GRB14: variants seen among roughly 807,000 people sequenced by gnomAD.
GRB14 encodes the protein growth factor receptor bound protein 14.
A neutral mutation model predicts 69.1 loss-of-function variants in GRB14; 38 were observed. The observed-to-expected ratio is 0.55, with a 90% CI of 0.42 to 0.72. GRB14 has a LOEUF of 0.72. Ranked by LOEUF, GRB14 falls within the 30% of genes least tolerant of loss-of-function variation. The pLI is 0.00. For missense variants in GRB14, 666 were observed against 666.1 expected (o/e 1.00, Z 0.00); for synonymous variants, 247 against 241.3 (o/e 1.02, Z -0.22).
At chr2:164,551,787 A>G (rs1688546932) in intron 2 of GRB14, among the ~76,000 whole-genome samples, 1 of 152,162 alleles carries the variant, frequency 6.6e-6, no homozygotes, top group Non-Finnish European at 1.5e-5. Context: ...CTCATTTTGT[A>G]ACTTTTTGTT....
chr2:164,545,235 G>A (rs972084173), intron 3 of GRB14, among the ~76,000 whole-genome samples: 1 of 152,166 alleles, frequency 6.6e-6, no homozygotes, highest in Non-Finnish European at 1.5e-5. Context: ...AACATATAAT[G>A]CAATGAAGTT....
intron 2 of GRB14, among the ~76,000 whole-genome samples, chr2:164,592,577 A>C (rs1689691931): frequency 6.6e-6 from 1 of 152,220 alleles, no homozygotes; most frequent in Admixed American, 6.5e-5. Context: ...GTCTGTGGCC[A>C]GCATCAGCCA....
intron 2 of GRB14, among the ~76,000 whole-genome samples, chr2:164,584,934 T>C (rs1047701090): frequency 1.3e-5 from 2 of 151,898 alleles, no homozygotes; most frequent in African/African-American, 2.4e-5. Flanking sequence ...GGTTGTTTTA[T>C]ATGTTTTTGT....
At chr2:164,548,386 ATGTG>A (rs141142342) in intron 2 of GRB14, among the ~76,000 whole-genome samples, 1 of 150,732 alleles carries the variant, frequency 6.6e-6, no homozygotes, top group Non-Finnish European at 1.5e-5. Context: ...GTGTATCTGT[ATGTG>A]TGTGTGTGTG....
chr2:164,572,416 T>C (rs1042608860), intron 2 of GRB14, among the ~76,000 whole-genome samples: 5 of 152,136 alleles, frequency 3.3e-5, no homozygotes, highest in Non-Finnish European at 5.9e-5. Flanking sequence ...CTTCTGAAAA[T>C]TTCACTTCTG....
chr2:164,550,530 T>C (rs1688507541), intron 2 of GRB14, among the ~76,000 whole-genome samples: 1 of 152,204 alleles, frequency 6.6e-6, no homozygotes, highest in Admixed American at 6.5e-5. Flanking sequence ...CTTACAATGA[T>C]ATAAAGTGGT....
At chr2:164,495,877 T>C (rs1221311653) in intron 12 of GRB14, among the ~76,000 whole-genome samples, 1 of 152,220 alleles carries the variant, frequency 6.6e-6, no homozygotes, top group African/African-American at 2.4e-5. Context: ...AAAAATAAGA[T>C]AGTATCTTTT....
intron 6 of GRB14, among the ~76,000 whole-genome samples, chr2:164,515,335 G>A (rs1276843548): frequency 2.0e-5 from 3 of 152,178 alleles, no homozygotes; most frequent in Non-Finnish European, 4.4e-5. Context: ...CTTCACTGGA[G>A]CAGCTGCTGG....
In GRB14 at chr2:164,492,870, T is replaced by G. The variant is rs1184954461; in HGVS notation, c.*166A>C. ...TGAATTTTAAATGATGAATGTAAAG[T>G]CAATCCAAGTCTTTGCTTATTTGCA... On this transcript the variant is annotated 3_prime_UTR_variant, in exon 14 of 14. Transcript: ENST00000263915. 1 of 533,748 alleles carries G rather than the reference T, an allele frequency of 1.9e-6. No homozygotes were observed. Among genetic ancestry groups the G allele is most frequent in the Non-Finnish European group, 3.2e-6 (1 of 316,274 alleles). The allele number at this position is 533,748 out of a possible 1,614,324, so 33.1% of individuals were successfully genotyped here. A position where few individuals can be genotyped will look rare whatever the true frequency, so the allele number is the denominator to read the frequency against.
chr2:164,517,910 C>T lies in GRB14; in HGVS notation c.816+4070G>A, dbSNP rs530301289. ...TAAAGAAATGAGATAGACAGCAACA[C>T]AATAACAGTGGGGGATTTTAATACT... On this transcript the variant is annotated intron_variant, in intron 6 of 13. Transcript: ENST00000263915. 2.6e-5 allele frequency among the ~76,000 whole-genome samples: 4 copies of T among 152,214 alleles called. 1 individual carries two copies. The highest frequency in any genetic ancestry group is 9.6e-5 in the African/African-American group (4 of 41,532).
At chr2:164,620,353 A>C (rs1178731582) in intron 1 of GRB14, among the ~76,000 whole-genome samples, 1 of 152,042 alleles carries the variant, frequency 6.6e-6, no homozygotes, top group Admixed American at 6.6e-5. Context: ...TTCATTCACA[A>C]TGTTGCCCAC....
intron 2 of GRB14, among the ~76,000 whole-genome samples, chr2:164,573,338 C>A (rs73028052): frequency 0.045 from 6,919 of 152,186 alleles, 526 homozygotes; most frequent in African/African-American, 0.15. Context: ...GTGGACAAGC[C>A]TCCTTTCTCA....
intron 6 of GRB14, among the ~76,000 whole-genome samples, chr2:164,515,455 G>A (rs1268188063): frequency 6.6e-6 from 1 of 152,128 alleles, no homozygotes; most frequent in African/African-American, 2.4e-5. Flanking sequence ...AGATCTGAAA[G>A]AGAAATAACA....
chr2:164,546,582 G>T (rs1231026586), intron 3 of GRB14, among the ~76,000 whole-genome samples: 1 of 152,226 alleles, frequency 6.6e-6, no homozygotes, highest in African/African-American at 2.4e-5. Flanking sequence ...TATCCACCAC[G>T]ATGCCCCTCC....
chr2:164,572,630 C>A (rs1455485992), intron 2 of GRB14, among the ~76,000 whole-genome samples: 4 of 152,200 alleles, frequency 2.6e-5, no homozygotes, highest in Admixed American at 2.0e-4. Flanking sequence ...CCTGTCCTTG[C>A]AATACTACCA....
In GRB14 at chr2:164,527,105, A is replaced by G. The variant is rs774185063; in HGVS notation, c.512T>C (p.Ile171Thr). 24 of 1,582,162 alleles carry G rather than the reference A, an allele frequency of 1.5e-5. No individual in the cohort carries two copies. In the South Asian group the frequency reaches 1.8e-4, roughly 12 times the overall value. The change falls in exon 4 of 14, where the codon ATT becomes ACT. Residue 171 changes from isoleucine (I) to threonine (T), a missense_variant. Physicochemically the swap from Ile to Thr is moderately conservative, Grantham distance 89 (BLOSUM62 -1). Transcript: ENST00000263915. ...ERTIEDHELV[I>T]EVLSNWGIEE... Reference sequence around the variant, plus strand: ...TATCCCCCAGTTGGATAGCACTTCAATCACCAGTTCGTGGTCTTCTATTGT... The same window carrying G: ...TATCCCCCAGTTGGATAGCACTTCAGTCACCAGTTCGTGGTCTTCTATTGT...
At position 164,574,896 on chromosome 2, in the gene GRB14, C is replaced by T. The variant is rs75537768; in HGVS notation, c.325-27080G>A. Among the ~76,000 whole-genome samples the T allele has an allele frequency of 1.6e-3, 236 of 151,438 alleles. 6 individuals are homozygous for T. In the East Asian group the frequency reaches 0.038, roughly 24 times the overall value. On this transcript the variant is annotated intron_variant, in intron 2 of 13. Transcript: ENST00000263915. ...GAGTTTGAGGCTGCACTCCACTGAA[C>T]TCCAGCCTGGGGAACAGAGGGAGAC...
At chr2:164,522,153 A>C (rs1687650919) in intron 5 of GRB14, 36 bp from the exon 6 acceptor site, 1 of 1,227,346 alleles carries the variant, frequency 8.1e-7, no homozygotes. Context: ...AACTATGATT[A>C]AATCAATGAT....
At chr2:164,588,991 C>T (rs1689597706) in intron 2 of GRB14, among the ~76,000 whole-genome samples, 1 of 152,100 alleles carries the variant, frequency 6.6e-6, no homozygotes, top group Non-Finnish European at 1.5e-5. Flanking sequence ...TTTTGGATAA[C>T]ATTCATTTAA....
Sources: allele counts gnomAD v4.1 joint callset (sites outside exome capture counted in the v4.1 genomes callset), GRCh38; gene constraint gnomAD v4.1.1; transcripts MANE v1.5; gene names NCBI Gene and HGNC (gene_info 2026-07-23, HGNC 2026-07-21).